Variants in STAP1 observed in about 807,000 individuals in gnomAD.
STAP1 encodes signal transducing adaptor family member 1.
A neutral mutation model predicts 37.8 loss-of-function variants in STAP1; 30 were observed. The observed-to-expected ratio is 0.79, with a 90% CI of 0.59 to 1.08. STAP1 has a LOEUF of 1.08. Ranked by LOEUF, STAP1 falls within the 50% of genes least tolerant of loss-of-function variation. STAP1 has a pLI of 0.00. For synonymous variants in STAP1, 130 were observed against 116.0 expected (o/e 1.12, Z -0.78); for missense variants, 357 against 349.4 (o/e 1.02, Z -0.17).
At chr4:67,605,387 A>C (rs1174749061) in intron 8 of STAP1, among the ~76,000 whole-genome samples, 1 of 71,096 alleles carries the variant, frequency 1.4e-5, no homozygotes, top group Non-Finnish European at 3.1e-5. Flanking sequence ...AATAGACAAT[A>C]CAAAAAAAAA....
Position 67,593,341 on chromosome 4 carries a change from A to G in STAP1, c.811A>G (p.Thr271Ala). 1 of 1,608,698 alleles carries G rather than the reference A, an allele frequency of 6.2e-7. No individual in the cohort carries two copies. The highest frequency in any genetic ancestry group is 1.1e-5 in the South Asian group (1 of 90,316). ...RGNLRPFICS[T>A]DENTGQEPSM... ...AAATTTAAGACCATTTATATGTTCA[A>G]CTGATGAAAACACTGGTATGTTTTT... Residue 271 changes from threonine to alanine, a missense_variant, in exon 8 of 9, where the codon ACT becomes GCT. Physicochemically the swap from Thr to Ala is moderately conservative, Grantham distance 58. Transcript: ENST00000265404.
chr4:67,574,617 T>G (rs1252399206), intron 2 of STAP1, among the ~76,000 whole-genome samples: 1 of 152,172 alleles, frequency 6.6e-6, no homozygotes, highest in Non-Finnish European at 1.5e-5. Context: ...CCTTTACTTT[T>G]TAAAGCCTAC....
intron 2 of STAP1, among the ~76,000 whole-genome samples, chr4:67,571,874 A>G (rs950970261): frequency 1.3e-5 from 2 of 152,234 alleles, no homozygotes; most frequent in African/African-American, 4.8e-5. Context: ...TGAAAGAGAC[A>G]GAAAAATAAC....
At chr4:67,603,380 A>T (rs1728385653) in intron 8 of STAP1, among the ~76,000 whole-genome samples, 1 of 152,170 alleles carries the variant, frequency 6.6e-6, no homozygotes, top group South Asian at 2.1e-4. Flanking sequence ...CACTGTGGCC[A>T]AACTGGTTCC....
intron 4 of STAP1, 106 bp downstream of exon 4, chr4:67,577,365 G>C (rs1034828954): frequency 1.1e-6 from 1 of 891,416 alleles, no homozygotes; most frequent in African/African-American, 1.7e-5. Context: ...TATAGCAATT[G>C]AAAAAGATAG....
chr4:67,600,691 T>C (rs1728319337), intron 8 of STAP1, among the ~76,000 whole-genome samples: 1 of 152,166 alleles, frequency 6.6e-6, no homozygotes, highest in South Asian at 2.1e-4. Context: ...ATATATTATA[T>C]ATATTTGCAA....
Position 67,571,101 on chromosome 4 carries a change from G to A in STAP1, c.138G>A (p.Trp46Ter). The change falls in exon 2 of 9, where the codon TGG becomes TGA. Residue 46 changes from tryptophan to a stop codon, truncating the protein, a stop_gained. Coordinates refer to ENST00000265404, the MANE Select transcript of STAP1 (RefSeq NM_012108.4). LOFTEE classifies it high-confidence loss of function. ...RSGYREYEHYWTELRGTTLFF... is the reference protein window; with the variant it reads ...RSGYREYEHY ...TCCCACAGGAGTATGAGCATTACTG[G>A]ACAGAGTTGAGAGGAACTACTCTTT... 3.7e-6 allele frequency: 6 copies of A among 1,611,580 alleles called. No homozygotes were observed. Among genetic ancestry groups the A allele is most frequent in the Non-Finnish European group, 5.1e-6 (6 of 1,177,906 alleles).
chr4:67,592,103 C>T (rs540594008), intron 7 of STAP1, among the ~76,000 whole-genome samples: 13 of 142,602 alleles, frequency 9.1e-5, no homozygotes, highest in Non-Finnish European at 2.0e-4. Context: ...TCCTCAACCC[C>T]TCAGTAAGGT....
intron 7 of STAP1, among the ~76,000 whole-genome samples, chr4:67,592,092 C>T (rs546437981): frequency 6.0e-5 from 9 of 150,608 alleles, no homozygotes; most frequent in Non-Finnish European, 1.2e-4. Context: ...CCCAACCATA[C>T]TCCTCAACCC....
At chr4:67,568,955 C>G (rs977191553) in intron 1 of STAP1, among the ~76,000 whole-genome samples, 3 of 152,132 alleles carry the variant, frequency 2.0e-5, no homozygotes, top group African/African-American at 7.2e-5. Flanking sequence ...TACTTAAACA[C>G]AAATCAAATT....
At chr4:67,578,702 G>A (rs114013061) in intron 4 of STAP1, among the ~76,000 whole-genome samples, 128 of 152,150 alleles carry the variant, frequency 8.4e-4, no homozygotes, top group African/African-American at 2.9e-3. Context: ...GGTACACTAA[G>A]TATGTATAAA....
chr4:67,588,991 C>A (rs72848549), intron 6 of STAP1, among the ~76,000 whole-genome samples: 6,476 of 152,168 alleles, frequency 0.043, 477 homozygotes, highest in African/African-American at 0.15. Context: ...CACAGCAGCC[C>A]CTTGAGGCAA....
At chr4:67,561,784 T>C (rs1256669973) in intron 1 of STAP1, among the ~76,000 whole-genome samples, 1 of 150,808 alleles carries the variant, frequency 6.6e-6, no homozygotes, top group East Asian at 2.0e-4. Flanking sequence ...TAAGAGAGAG[T>C]GTGGGTGGGC....
intron 8 of STAP1, among the ~76,000 whole-genome samples, chr4:67,600,842 T>C (rs1205099561): frequency 6.6e-6 from 1 of 152,208 alleles, no homozygotes; most frequent in Admixed American, 6.5e-5. Flanking sequence ...TTCCATCTCT[T>C]TAGTTTTAGT....
rs528021678 is a variant in STAP1, at chr4:67,581,323, G to T, written c.382G>T (p.Val128Leu). ...TVTELSVPQN[V>L]SLLPGQVIKL... Reference sequence around the variant, plus strand: ...GTTTCAGCTGTCAGTTCCCCAAAACGTGTCACTCCTACCTGGGCAAGTAAT... The same window carrying T: ...GTTTCAGCTGTCAGTTCCCCAAAACTTGTCACTCCTACCTGGGCAAGTAAT... Residue 128 changes from valine to leucine, a missense_variant, in exon 5 of 9, where the codon GTG becomes TTG. Transcript: ENST00000265404. 1 of 1,612,216 alleles carries T rather than the reference G, an allele frequency of 6.2e-7. No individual in the cohort carries two copies. Among genetic ancestry groups the T allele is most frequent in the Non-Finnish European group, 8.5e-7 (1 of 1,179,484 alleles).
intron 8 of STAP1, among the ~76,000 whole-genome samples, chr4:67,603,383 C>T (rs1216451276): frequency 6.6e-6 from 1 of 152,224 alleles, no homozygotes; most frequent in Non-Finnish European, 1.5e-5. Context: ...TGTGGCCAAA[C>T]TGGTTCCCAA....
At chr4:67,579,543 G>T (rs1365381551) in intron 4 of STAP1, among the ~76,000 whole-genome samples, 1 of 152,140 alleles carries the variant, frequency 6.6e-6, no homozygotes, top group Non-Finnish European at 1.5e-5. Flanking sequence ...TGTACAGGAA[G>T]CATGGTGCCA....
intron 1 of STAP1, among the ~76,000 whole-genome samples, chr4:67,560,304 A>G (rs1205230012): frequency 1.3e-5 from 2 of 152,186 alleles, no homozygotes; most frequent in African/African-American, 4.8e-5. Context: ...AGACTGTTTC[A>G]ACTATAAGAT....
intron 1 of STAP1, among the ~76,000 whole-genome samples, chr4:67,561,877 A>G (rs1385199360): frequency 6.6e-6 from 1 of 151,674 alleles, no homozygotes; most frequent in African/African-American, 2.4e-5. Flanking sequence ...ATGGAGACCA[A>G]CCTGTTCAAC....
Sources: allele counts gnomAD v4.1 joint callset (sites outside exome capture counted in the v4.1 genomes callset), GRCh38; gene constraint gnomAD v4.1.1; transcripts MANE v1.5; gene names NCBI Gene and HGNC (gene_info 2026-07-23, HGNC 2026-07-21).